SLC9A6: variants seen among roughly 807,000 people sequenced by gnomAD.
SLC9A6 encodes solute carrier family 9 member A6.
In SLC9A6, 6 loss-of-function variants were observed where a neutral mutation model predicts 45.3. That is an observed-to-expected ratio of 0.13 (90% CI 0.07 to 0.26). The LOEUF (loss-of-function observed/expected upper bound fraction) is 0.26. SLC9A6 is among the 10% of genes least tolerant of loss of function. The pLI is 1.00. For synonymous variants in SLC9A6, 191 were observed against 187.7 expected (o/e 1.02, Z -0.14); for missense variants, 278 against 503.7 (o/e 0.55, Z 4.29).
intron 2 of SLC9A6, among the ~76,000 whole-genome samples, chrX:135,991,049 G>C (rs1350967605): frequency 9.0e-6 from 1 of 111,602 alleles, no homozygotes; most frequent in Non-Finnish European, 1.9e-5. Flanking sequence ...CTAACAGTCA[G>C]TTTTTAATTT....
chrX:135,983,615 G>A (rs1156417092), upstream of SLC9A6: 3 of 108,724 alleles, frequency 2.8e-5, no homozygotes, highest in Non-Finnish European at 5.7e-5. Flanking sequence ...GGCATACTAA[G>A]TTGCTGGGGC....
chrX:135,976,000 AAGT>A (rs1396715148), intron 1 of SLC9A6, among the ~76,000 whole-genome samples: 2 of 108,253 alleles, frequency 1.8e-5, no homozygotes, highest in Non-Finnish European at 3.8e-5. Flanking sequence ...AAAAAAAAAA[AAGT>A]AGAAGAAGAC....
chrX:135,998,635 T>A, intron 5 of SLC9A6, 77 bp downstream of exon 5: 1 of 777,923 alleles, frequency 1.3e-6, no homozygotes, highest in South Asian at 2.4e-5. Flanking sequence ...ATTTATGCAG[T>A]GTTATATATT....
At chrX:136,022,512 C>G (rs782595561) in intron 11 of SLC9A6, 74 bp from the exon 12 acceptor site, 1 of 626,830 alleles carries the variant, frequency 1.6e-6, no homozygotes, top group African/African-American at 2.3e-5. Context: ...AATAGTCTTT[C>G]ACCATCTTGA....
intron 2 of SLC9A6, among the ~76,000 whole-genome samples, chrX:135,994,439 G>A (rs1344907204): frequency 1.8e-5 from 2 of 111,273 alleles, no homozygotes; most frequent in African/African-American, 3.3e-5. Flanking sequence ...TTGCACTGTC[G>A]AGTTGGGACA....
intron 2 of SLC9A6, among the ~76,000 whole-genome samples, chrX:135,989,542 A>G (rs961173958): frequency 8.9e-6 from 1 of 112,530 alleles, no homozygotes; most frequent in African/African-American, 3.2e-5. Flanking sequence ...TGTTTGAGCC[A>G]CAGTATCTGC....
Position 135,998,932 on chromosome X carries a change from C to T in SLC9A6, c.601C>T (p.Leu201=), listed in dbSNP as rs1556617009. 1.7e-6 allele frequency: 2 copies of T among 1,203,508 alleles called. No individual in the cohort carries two copies. The highest frequency in any genetic ancestry group is 3.5e-5 in the African/African-American group (2 of 57,043). ...LAGDFYFTDC[L]LFGAIVSATD... ...AGGAGATTTTTACTTTACAGATTGC[C>T]TACTGTTTGGTGCCATTGTATCAGC... Residue 201 remains leucine, a synonymous_variant, in exon 6 of 18, where the codon CTA becomes TTA. Coordinates refer to ENST00000630721, the MANE Select transcript of SLC9A6 (RefSeq NM_001379110.1).
At chrX:135,981,779 G>A (rs151136026), upstream of SLC9A6, among the ~76,000 whole-genome samples, 220 of 112,363 alleles carry the variant, frequency 2.0e-3, no homozygotes, top group African/African-American at 6.6e-3. Flanking sequence ...GCAAGGCAGG[G>A]GGCATTAGAG....
chrX:136,042,455 G>C (rs782124593), intron 17 of SLC9A6, among the ~76,000 whole-genome samples: 1 of 111,972 alleles, frequency 8.9e-6, no homozygotes, highest in Non-Finnish European at 1.9e-5. Context: ...TGGGATTACA[G>C]GCATGAGCCA....
At chrX:136,038,565 G>A (rs1230195061) in intron 16 of SLC9A6, among the ~76,000 whole-genome samples, 1 of 110,878 alleles carries the variant, frequency 9.0e-6, no homozygotes, top group African/African-American at 3.3e-5. Flanking sequence ...AATGAATCAG[G>A]AAGTATTCCC....
At chrX:135,979,971 G>C (rs1360236678) in intron 1 of SLC9A6, among the ~76,000 whole-genome samples, 7 of 110,781 alleles carry the variant, frequency 6.3e-5, no homozygotes, top group Non-Finnish European at 1.3e-4. Context: ...TCACCATGTT[G>C]CCCAGGCTGG....
chrX:135,980,335 T>A (rs1417962463), upstream of SLC9A6, among the ~76,000 whole-genome samples: 1 of 109,934 alleles, frequency 9.1e-6, no homozygotes, highest in Non-Finnish European at 1.9e-5. Context: ...TGCCTCAGCC[T>A]CCTACCAATA....
At chrX:136,004,588 T>C (rs2089629628) in intron 7 of SLC9A6, among the ~76,000 whole-genome samples, 1 of 112,236 alleles carries the variant, frequency 8.9e-6, no homozygotes, top group Non-Finnish European at 1.9e-5. Context: ...GATTGTCTTC[T>C]GCAAAGTTGG....
chrX:135,976,396 T>C (rs1318711939), intron 1 of SLC9A6, among the ~76,000 whole-genome samples: 1 of 111,470 alleles, frequency 9.0e-6, no homozygotes, highest in Non-Finnish European at 1.9e-5. Flanking sequence ...TTACCCCTTC[T>C]TCCAGACCAG....
intron 6 of SLC9A6, among the ~76,000 whole-genome samples, chrX:135,999,605 C>G (rs1195042333): frequency 9.0e-6 from 1 of 111,513 alleles, no homozygotes; most frequent in Non-Finnish European, 1.9e-5. Context: ...AGTTGTGTTC[C>G]AGAATGAATT....
Position 135,985,620 on chromosome X carries a change from G to T in SLC9A6, c.-39G>T. 4 of 1,210,834 alleles carry T rather than the reference G, an allele frequency of 3.3e-6. No homozygotes were observed. The highest frequency in any genetic ancestry group is 4.5e-6 in the Non-Finnish European group (4 of 895,103). On this transcript the variant is annotated 5_prime_UTR_variant, in exon 2 of 18. Transcript: ENST00000630721. The stretch of plus-strand genomic sequence containing the variant: ...CCTCGCAGTGGGCGTCTTTGACTGG[G>T]CAGGGGCTTCGGACGGCGGCGGCGG...
chrX:136,001,683 G>A (rs1156559789), intron 6 of SLC9A6, among the ~76,000 whole-genome samples: 1 of 112,111 alleles, frequency 8.9e-6, no homozygotes, highest in Admixed American at 9.5e-5. Context: ...TGTAAGTCAA[G>A]TACAAATGAG....
intron 7 of SLC9A6, among the ~76,000 whole-genome samples, chrX:136,004,900 T>C (rs782381982): frequency 8.9e-6 from 1 of 112,277 alleles, no homozygotes; most frequent in African/African-American, 3.2e-5. Context: ...TTATAAAAAA[T>C]GTTATAAAAA....
chrX:135,974,620 C>T, upstream of SLC9A6: 2 of 340,322 alleles, frequency 5.9e-6, no homozygotes, highest in Non-Finnish European at 1.2e-5. Flanking sequence ...TGAAACTGTG[C>T]CTTTTGTTTT....
Sources: allele counts gnomAD v4.1 joint callset (sites outside exome capture counted in the v4.1 genomes callset), GRCh38; gene constraint gnomAD v4.1.1; transcripts MANE v1.5; gene names NCBI Gene and HGNC (gene_info 2026-07-23, HGNC 2026-07-21).